Variants in MEIS2 observed in about 807,000 individuals in gnomAD.
MEIS2 encodes Meis homeobox 2, also known as homeobox protein Meis2.
In MEIS2, 9 loss-of-function variants were observed where a neutral mutation model predicts 58.6. That is an observed-to-expected ratio of 0.15 (90% CI 0.09 to 0.27). The LOEUF (loss-of-function observed/expected upper bound fraction) is 0.27. Among genes scored for constraint, MEIS2 ranks in the 10% least tolerant of loss-of-function variants. The probability of loss-of-function intolerance (pLI) is 1.00; values close to 1 mark genes in which losing one functional copy is unlikely to be tolerated. For synonymous variants in MEIS2, 221 were observed against 228.4 expected (o/e 0.97, Z 0.29); for missense variants, 427 against 635.0 (o/e 0.67, Z 3.52).
At chr15:37,024,221 C>G (rs1355190021) in intron 8 of MEIS2, among the ~76,000 whole-genome samples, 1 of 151,966 alleles carries the variant, frequency 6.6e-6, no homozygotes, top group Non-Finnish European at 1.5e-5. Flanking sequence ...TCTACAGAAT[C>G]CACTTCCTCT....
At chr15:36,911,081 A>C (rs948604475) in intron 9 of MEIS2, among the ~76,000 whole-genome samples, 2 of 151,650 alleles carry the variant, frequency 1.3e-5, no homozygotes, top group Non-Finnish European at 2.9e-5. Context: ...TCTATCTCAA[A>C]GGTAATTTGA....
chr15:36,936,197 C>CTTT (rs397953201), intron 9 of MEIS2, among the ~76,000 whole-genome samples: 17 of 139,122 alleles, frequency 1.2e-4, no homozygotes, highest in African/African-American at 2.4e-4. Flanking sequence ...CATTTTCTTT[C>CTTT]TTTTTTTTTT....
intron 8 of MEIS2, among the ~76,000 whole-genome samples, chr15:37,032,010 T>C (rs2061949013): frequency 6.6e-6 from 1 of 152,010 alleles, no homozygotes; most frequent in Admixed American, 6.6e-5. Flanking sequence ...CGGCTAAATT[T>C]TTATTCTTTT....
chr15:36,913,671 C>G (rs2057144688), intron 9 of MEIS2, among the ~76,000 whole-genome samples: 1 of 152,068 alleles, frequency 6.6e-6, no homozygotes, highest in Non-Finnish European at 1.5e-5. Context: ...ACATATGCAC[C>G]TATTTTTCAC....
intron 6 of MEIS2, among the ~76,000 whole-genome samples, chr15:37,085,608 C>A (rs1159336490): frequency 2.6e-5 from 4 of 152,140 alleles, no homozygotes; most frequent in Non-Finnish European, 4.4e-5. Flanking sequence ...ACTGGCACTG[C>A]TATCAGGCAA....
chr15:37,075,675 G>T (rs574716727), intron 7 of MEIS2, among the ~76,000 whole-genome samples: 1 of 151,792 alleles, frequency 6.6e-6, no homozygotes, highest in South Asian at 2.1e-4. Flanking sequence ...GGAAAAGCAG[G>T]GAGAGAGAGA....
chr15:37,080,987 T>C (rs188311178), intron 7 of MEIS2, among the ~76,000 whole-genome samples: 1 of 152,210 alleles, frequency 6.6e-6, no homozygotes, highest in Non-Finnish European at 1.5e-5. Context: ...GCTGTTTCAC[T>C]ATCAGGTCAT....
chr15:37,041,968 G>A (rs1189939630), intron 7 of MEIS2, among the ~76,000 whole-genome samples: 1 of 152,004 alleles, frequency 6.6e-6, no homozygotes, highest in East Asian at 1.9e-4. Context: ...CTAGAGCTTG[G>A]GAGTTTGAGA....
chr15:37,098,382 GAGAGAGAGAGA>G (rs1894619846), intron 1 of MEIS2, 183 bp from the exon 2 acceptor site: 34 of 557,152 alleles, frequency 6.1e-5, no homozygotes, highest in South Asian at 1.0e-4. Flanking sequence ...GAGAGGGGGA[GAGAGAGAGAGA>G]GAGAGAGAGA....
chr15:36,935,099 G>T (rs1051144399), intron 9 of MEIS2, among the ~76,000 whole-genome samples: 2 of 152,044 alleles, frequency 1.3e-5, no homozygotes, highest in Non-Finnish European at 2.9e-5. Context: ...TATGGTAGTG[G>T]GAGCCACTTA....
chr15:36,946,883 T>G (rs1169401707), intron 9 of MEIS2, among the ~76,000 whole-genome samples: 1 of 152,032 alleles, frequency 6.6e-6, no homozygotes, highest in Non-Finnish European at 1.5e-5. Context: ...TTACCCATCA[T>G]GCTATATTAC....
intron 9 of MEIS2, among the ~76,000 whole-genome samples, chr15:36,943,069 CATCT>C (rs2058430980): frequency 6.6e-6 from 1 of 151,886 alleles, no homozygotes. Context: ...TTACTTTATC[CATCT>C]GTGACTGGGG....
intron 11 of MEIS2, 84 bp downstream of exon 11, chr15:36,895,067 A>G: frequency 8.6e-7 from 1 of 1,165,078 alleles, no homozygotes. Flanking sequence ...CCACCATGAC[A>G]GTGGGATAGT....
intron 8 of MEIS2, among the ~76,000 whole-genome samples, chr15:36,952,173 C>T (rs149679225): frequency 1.5e-3 from 221 of 152,172 alleles, no homozygotes; most frequent in African/African-American, 5.1e-3. Flanking sequence ...TCATCACTGA[C>T]GCCAGTGTGG....
intron 1 of MEIS2, 74 bp downstream of exon 1, chr15:37,099,381 G>A: frequency 6.2e-7 from 1 of 1,603,904 alleles, no homozygotes; most frequent in East Asian, 2.2e-5. Context: ...GCGTTGAAGG[G>A]AGAGGAGGCA....
chr15:36,989,504 TA>T (rs1283494540), intron 8 of MEIS2, among the ~76,000 whole-genome samples: 1 of 152,196 alleles, frequency 6.6e-6, no homozygotes, highest in Non-Finnish European at 1.5e-5. Context: ...TGTGGACTTC[TA>T]GTCACACAGG....
intron 7 of MEIS2, among the ~76,000 whole-genome samples, chr15:37,042,082 T>C (rs2062447580): frequency 6.6e-6 from 1 of 152,032 alleles, no homozygotes; most frequent in Non-Finnish European, 1.5e-5. Flanking sequence ...TCCCAAGAGT[T>C]CGAGGCTGCA....
chr15:37,040,924 T>C (rs974299739), intron 7 of MEIS2, among the ~76,000 whole-genome samples: 1 of 152,234 alleles, frequency 6.6e-6, no homozygotes, highest in Non-Finnish European at 1.5e-5. Flanking sequence ...AATCAGAGTA[T>C]CACTGATGCT....
intron 7 of MEIS2, among the ~76,000 whole-genome samples, chr15:37,052,438 G>C (rs936540568): frequency 6.6e-6 from 1 of 152,138 alleles, no homozygotes; most frequent in Non-Finnish European, 1.5e-5. Context: ...ATGCAGCTGG[G>C]TCTTGAACTC....
Sources: allele counts gnomAD v4.1 joint callset (sites outside exome capture counted in the v4.1 genomes callset), GRCh38; gene constraint gnomAD v4.1.1; transcripts MANE v1.5; gene names NCBI Gene and HGNC (gene_info 2026-07-23, HGNC 2026-07-21).